Variants in TUBGCP3 observed in about 807,000 individuals in gnomAD.
TUBGCP3 encodes the protein tubulin gamma complex component 3.
TUBGCP3 carries 50 observed loss-of-function variants against 123.1 expected under a neutral mutation model. The observed-to-expected ratio is 0.41, with a 90% confidence interval of 0.32 to 0.51. The LOEUF (loss-of-function observed/expected upper bound fraction) is 0.51, where lower values mean the gene tolerates loss of function less well. Among genes scored for constraint, TUBGCP3 ranks in the 20% least tolerant of loss-of-function variants. The pLI is 0.36. For missense variants in TUBGCP3, 882 were observed against 1,127.0 expected, an observed-to-expected ratio of 0.78 and a Z score of 3.11; for synonymous variants, 405 against 413.9, an observed-to-expected ratio of 0.98 and a Z score of 0.26.
the TUBGCP3 span, among the ~76,000 whole-genome samples, chr13:112,598,081 G>T: frequency 4.8e-3 from 723 of 152,110 alleles, 5 homozygotes; most frequent in African/African-American, 0.016. Flanking sequence ...CGTCAAAGGC[G>T]CACCAATTAA....
chr13:112,522,619 T>G, intron 13 of TUBGCP3, 110 bp from the exon 14 acceptor site: 4 of 1,076,330 alleles, frequency 3.7e-6, no homozygotes, highest in Non-Finnish European at 5.4e-6. Flanking sequence ...GCCTGTGGCA[T>G]CAGTAACAGA....
At chr13:112,525,345 A>G (rs559464985) in intron 13 of TUBGCP3, among the ~76,000 whole-genome samples, 1 of 152,232 alleles carries the variant, frequency 6.6e-6, no homozygotes, top group Admixed American at 6.5e-5. Context: ...CCTTGCCTGA[A>G]AATACCCAAA....
Position 112,559,382 on chromosome 13 carries a change from T to C in TUBGCP3, c.270A>G (p.Lys90=), listed in dbSNP as rs1288876995. Reference sequence around the variant, plus strand: ...TCAGCAAGAGGTAGAGTATTGACCATTTATTTTTCAAAACTCCCTGTTTGG... The same window carrying C: ...TCAGCAAGAGGTAGAGTATTGACCACTTATTTTTCAAAACTCCCTGTTTGG... ...KLHSQGVLKN[K]WSILYLLLSL... The change falls in exon 4 of 22, where the codon AAA becomes AAG. Residue 90 remains lysine, a synonymous_variant. Coordinates refer to ENST00000261965, the MANE Select transcript of TUBGCP3 (RefSeq NM_006322.6). 3 of 1,600,612 alleles carry C rather than the reference T, an allele frequency of 1.9e-6. No individual in the cohort carries two copies. Among genetic ancestry groups the C allele is most frequent in the South Asian group, 1.1e-5 (1 of 89,654 alleles).
the TUBGCP3 span, among the ~76,000 whole-genome samples, chr13:112,601,868 G>C: frequency 2.6e-5 from 4 of 152,232 alleles, no homozygotes; most frequent in African/African-American, 9.6e-5. Context: ...TGGCTACAGA[G>C]AGCCCAGAAG....
chr13:112,593,011 T>TGACGGGG (rs1882908555), upstream of TUBGCP3, among the ~76,000 whole-genome samples: 1 of 152,234 alleles, frequency 6.6e-6, no homozygotes, highest in Non-Finnish European at 1.5e-5. Flanking sequence ...CTGCTAAGTT[T>TGACGGGG]TGATCGTTGC....
At chr13:112,526,818 C>T in intron 13 of TUBGCP3, 124 bp downstream of exon 13, 2 of 709,728 alleles carry the variant, frequency 2.8e-6, no homozygotes, top group Non-Finnish European at 4.8e-6. Flanking sequence ...ACCATCATCC[C>T]CATCATCACA....
chr13:112,568,682 C>A (rs540055433), intron 2 of TUBGCP3, among the ~76,000 whole-genome samples: 1 of 152,370 alleles, frequency 6.6e-6, no homozygotes, highest in African/African-American at 2.4e-5. Context: ...CTTTTCTAGG[C>A]CAACTGAAAA....
intron 21 of TUBGCP3, 31 bp downstream of exon 21, chr13:112,489,550 G>T: frequency 6.8e-7 from 1 of 1,464,338 alleles, no homozygotes; most frequent in Non-Finnish European, 9.6e-7. Context: ...GCAGAGTGGT[G>T]TGAAGAGCCA....
In TUBGCP3 at chr13:112,561,639, G is replaced by A. The variant is rs552695790; in HGVS notation, c.253-2240C>T. Among the ~76,000 whole-genome samples the A allele has an allele frequency of 8.5e-5, 13 of 152,268 alleles. No homozygotes were observed. In the South Asian group the frequency reaches 1.9e-3, roughly 22 times the overall value. Reference sequence around the variant, plus strand: ...AGCGTGCGGGTGGATGCAAATGGACGCCCAGAGGGGTGGAACAAGACGCAA... The same window carrying A: ...AGCGTGCGGGTGGATGCAAATGGACACCCAGAGGGGTGGAACAAGACGCAA... On this transcript the variant is annotated intron_variant, in intron 3 of 21. Transcript: ENST00000261965.
chr13:112,533,890 G>A (rs1877805371), intron 11 of TUBGCP3, among the ~76,000 whole-genome samples: 1 of 150,090 alleles, frequency 6.7e-6, no homozygotes, highest in Non-Finnish European at 1.5e-5. Context: ...GTGGTGATCT[G>A]TGAGATTTTG....
At chr13:112,553,023 C>T (rs1879716891) in intron 8 of TUBGCP3, among the ~76,000 whole-genome samples, 1 of 151,218 alleles carries the variant, frequency 6.6e-6, no homozygotes, top group South Asian at 2.1e-4. Context: ...CCACACTCCT[C>T]CTCACTAGCC....
At chr13:112,593,852 A>G in the TUBGCP3 span, among the ~76,000 whole-genome samples, 1 of 152,200 alleles carries the variant, frequency 6.6e-6, no homozygotes, top group African/African-American at 2.4e-5. Flanking sequence ...TCAGGAATAA[A>G]AGAAATAACA....
Position 112,588,076 on chromosome 13 carries a change from C to G in TUBGCP3, c.-96G>C, listed in dbSNP as rs758899396. The G allele has an allele frequency of 9.2e-7, 1 of 1,089,210 alleles. No homozygotes were observed. The highest frequency in any genetic ancestry group is 4.1e-5 in the Admixed American group (1 of 24,382). 67.5% of individuals were successfully genotyped at this position (1,089,210 alleles called of 1,614,324 possible). A position where few individuals can be genotyped will look rare whatever the true frequency, so the allele number is the denominator to read the frequency against. On this transcript the variant is annotated 5_prime_UTR_variant, in exon 1 of 22. Transcript: ENST00000261965. ...CCGCGCCCTTCCTGCGCCCCGCAAG[C>G]TCCCTGCTCCTGACAGGCTAAGGCG...
At chr13:112,499,741 C>T (rs112208298) in intron 19 of TUBGCP3, among the ~76,000 whole-genome samples, 68 of 152,122 alleles carry the variant, frequency 4.5e-4, no homozygotes, top group African/African-American at 1.4e-3. Context: ...GAGGAAAAAA[C>T]TCCTAATGTT....
chr13:112,520,398 G>A (rs966268864), intron 14 of TUBGCP3, among the ~76,000 whole-genome samples: 4 of 151,986 alleles, frequency 2.6e-5, no homozygotes, highest in African/African-American at 4.8e-5. Flanking sequence ...GCATGGTGGC[G>A]GGCACCTGTA....
chr13:112,579,465 C>A (rs1418387850), intron 1 of TUBGCP3, among the ~76,000 whole-genome samples: 2 of 141,776 alleles, frequency 1.4e-5, no homozygotes, highest in Admixed American at 1.4e-4. Context: ...TGCTGAGTGC[C>A]CGCGGGGCCA....
chr13:112,498,853 T>C (rs1880694968), intron 20 of TUBGCP3, 192 bp downstream of exon 20: 1 of 1,603,376 alleles, frequency 6.2e-7, no homozygotes, highest in Non-Finnish European at 8.5e-7. Context: ...AACAGGATGA[T>C]GATGCCAGTG....
chr13:112,517,069 T>C (rs934962820), intron 16 of TUBGCP3, among the ~76,000 whole-genome samples: 1 of 152,132 alleles, frequency 6.6e-6, no homozygotes, highest in African/African-American at 2.4e-5. Flanking sequence ...CAGGCTGGAG[T>C]GTAGTGGTGA....
chr13:112,496,288 A>T (rs1267964920), intron 20 of TUBGCP3, among the ~76,000 whole-genome samples: 1 of 152,248 alleles, frequency 6.6e-6, no homozygotes, highest in African/African-American at 2.4e-5. Flanking sequence ...AAGAGCCATG[A>T]GGAGGAAGAG....
Sources: allele counts gnomAD v4.1 joint callset (sites outside exome capture counted in the v4.1 genomes callset), GRCh38; gene constraint gnomAD v4.1.1; transcripts MANE v1.5; gene names NCBI Gene and HGNC (gene_info 2026-07-23, HGNC 2026-07-21).